Variants in TGS1 observed in about 807,000 individuals in gnomAD.
TGS1 encodes the protein trimethylguanosine synthase.
TGS1 carries 69 observed loss-of-function variants against 92.2 expected under a neutral mutation model. The observed-to-expected ratio is 0.75, with a 90% CI of 0.62 to 0.91. The LOEUF is 0.91. Among genes scored for constraint, TGS1 ranks in the 40% least tolerant of loss-of-function variants. TGS1 has a pLI of 0.00. For missense variants in TGS1, 1,062 were observed against 1,001.2 expected, an observed-to-expected ratio of 1.06 and a Z score of -0.82; for synonymous variants, 345 against 338.1, an observed-to-expected ratio of 1.02 and a Z score of -0.22.
chr8:55,780,362 G>A (rs1371656026), intron 1 of TGS1, among the ~76,000 whole-genome samples: 3 of 151,774 alleles, frequency 2.0e-5, no homozygotes, highest in African/African-American at 7.3e-5. Context: ...CTAGAGGTGG[G>A]GTCTGACCTT....
At chr8:55,818,244 C>G (rs925652921) in intron 12 of TGS1, among the ~76,000 whole-genome samples, 2 of 152,120 alleles carry the variant, frequency 1.3e-5, no homozygotes, top group African/African-American at 4.8e-5. Flanking sequence ...GTGGTGTGAT[C>G]ACTGCTCTCT....
chr8:55,794,875 A>G (rs1472456620), intron 6 of TGS1, among the ~76,000 whole-genome samples: 1 of 152,194 alleles, frequency 6.6e-6, no homozygotes, highest in Non-Finnish European at 1.5e-5. Context: ...CTGTTTCATA[A>G]GTTGTGAAAT....
intron 1 of TGS1, among the ~76,000 whole-genome samples, chr8:55,776,496 G>A (rs982224834): frequency 1.3e-5 from 2 of 152,050 alleles, no homozygotes; most frequent in African/African-American, 4.8e-5. Flanking sequence ...TAGCCAGGAT[G>A]GTCTCTGTCT....
intron 8 of TGS1, among the ~76,000 whole-genome samples, chr8:55,801,565 C>T (rs193245534): frequency 3.1e-4 from 44 of 140,154 alleles, no homozygotes; most frequent in Non-Finnish European, 5.6e-4. Context: ...TGAACCACTG[C>T]GCCCAGCCCC....
At chr8:55,776,576 G>A (rs560082525) in intron 1 of TGS1, among the ~76,000 whole-genome samples, 97 of 152,250 alleles carry the variant, frequency 6.4e-4, no homozygotes, top group Middle Eastern at 3.4e-3. Context: ...ACTGTGCCCG[G>A]CCCAGTGCCT....
intron 7 of TGS1, among the ~76,000 whole-genome samples, chr8:55,797,157 G>A (rs1428889335): frequency 6.6e-6 from 1 of 152,172 alleles, no homozygotes; most frequent in African/African-American, 2.4e-5. Context: ...TCACAGTTCT[G>A]CAGGGCTGGG....
chr8:55,798,553 A>T (rs1812123803), intron 7 of TGS1, among the ~76,000 whole-genome samples: 2 of 152,232 alleles, frequency 1.3e-5, no homozygotes, highest in Admixed American at 1.3e-4. Flanking sequence ...AAAATTAATG[A>T]TTCAGTAGTA....
chr8:55,821,019 A>G (rs1326920557), intron 12 of TGS1, among the ~76,000 whole-genome samples: 2 of 152,260 alleles, frequency 1.3e-5, no homozygotes, highest in East Asian at 1.9e-4. Context: ...TACTAAATTT[A>G]TAAGTCTTTC....
chr8:55,823,592 C>A (rs1386265747), intron 12 of TGS1, among the ~76,000 whole-genome samples: 1 of 152,166 alleles, frequency 6.6e-6, no homozygotes, highest in Non-Finnish European at 1.5e-5. Flanking sequence ...GGAAAAGTCA[C>A]TAGAGGCTAG....
At chr8:55,802,337 G>A (rs572487762) in intron 8 of TGS1, 120 bp from the exon 9 acceptor site, 67 of 745,974 alleles carry the variant, frequency 9.0e-5, no homozygotes, top group East Asian at 5.7e-4. Context: ...TTCTCTGGGC[G>A]TGTCATTATA....
chr8:55,783,582 A>T (rs958932675), intron 2 of TGS1, among the ~76,000 whole-genome samples: 3 of 152,216 alleles, frequency 2.0e-5, no homozygotes, highest in African/African-American at 7.2e-5. Flanking sequence ...AACTTTCCCA[A>T]GTAACAAATA....
At chr8:55,802,224 G>A (rs1364448486) in intron 8 of TGS1, among the ~76,000 whole-genome samples, 1 of 152,064 alleles carries the variant, frequency 6.6e-6, no homozygotes, top group East Asian at 1.9e-4. Flanking sequence ...TGAATGAATG[G>A]AGCTTAAAGA....
chr8:55,804,975 A>G lies in TGS1; in HGVS notation c.2082A>G (p.Val694=), dbSNP rs1585781157. 6 of 1,614,100 alleles carry G rather than the reference A, an allele frequency of 3.7e-6. No individual in the cohort carries two copies. In the East Asian group the frequency reaches 1.3e-4, roughly 36 times the overall value. Residue 694 remains valine (V), a synonymous_variant, in exon 10 of 13, where the codon GTA becomes GTG. Coordinates refer to ENST00000260129, the MANE Select transcript of TGS1 (RefSeq NM_024831.8). ...GTCAGTCCTTCAAGTGTGACGTTGT[A>G]GTAGACGCATTCTGTGGAGTTGGAG... The part of the protein sequence containing the change: ...RVSQSFKCDV[V]VDAFCGVGGN...
intron 1 of TGS1, among the ~76,000 whole-genome samples, chr8:55,776,157 C>G (rs901919777): frequency 6.6e-6 from 1 of 152,044 alleles, no homozygotes; most frequent in African/African-American, 2.4e-5. Flanking sequence ...GGGCTCACAA[C>G]TCTAAGGGGG....
At chr8:55,815,261 G>A (rs531788364) in intron 12 of TGS1, among the ~76,000 whole-genome samples, 109 of 152,126 alleles carry the variant, frequency 7.2e-4, no homozygotes, top group Non-Finnish European at 1.2e-3. Flanking sequence ...TTTGCCTCTA[G>A]AGGGAGTAAT....
chr8:55,824,710 A>G lies in TGS1; in HGVS notation c.*7A>G. The stretch of plus-strand genomic sequence containing the variant: ...ACCAGCCTCTGAAACCTAACTATGC[A>G]GCAGTGCGAGGACAAAAGATCATGG... On this transcript the variant is annotated 3_prime_UTR_variant, in exon 13 of 13. Transcript: ENST00000260129. 6.2e-7 allele frequency: 1 copy of G among 1,614,134 alleles called. No homozygotes were observed.
chr8:55,825,790 A>G lies in TGS1; in HGVS notation c.*1087A>G, dbSNP rs1803779282. The stretch of plus-strand genomic sequence containing the variant: ...CAGTACAGTAGCAACTGAGCTGATC[A>G]ATAAAGGTGAAATTACTTTTTCATT... On this transcript the variant is annotated 3_prime_UTR_variant, in exon 13 of 13. Transcript: ENST00000260129. Among the ~76,000 whole-genome samples, 1 of 152,240 alleles carries G rather than the reference A, an allele frequency of 6.6e-6. No homozygotes were observed. Among genetic ancestry groups the G allele is most frequent in the Non-Finnish European group, 1.5e-5 (1 of 68,042 alleles).
At chr8:55,805,495 G>A (rs997821882) in intron 10 of TGS1, among the ~76,000 whole-genome samples, 12 of 152,172 alleles carry the variant, frequency 7.9e-5, no homozygotes, top group Non-Finnish European at 1.5e-4. Flanking sequence ...TTGAGTGGGC[G>A]TGGTGATTCA....
chr8:55,799,603 G>T (rs1344432619), intron 8 of TGS1, among the ~76,000 whole-genome samples: 1 of 152,054 alleles, frequency 6.6e-6, no homozygotes, highest in African/African-American at 2.4e-5. Context: ...TGTGAGACAG[G>T]GTCTCATTCT....
Sources: gnomAD v4.1 joint callset for allele counts (sites outside exome capture counted in the v4.1 genomes callset) on GRCh38, gnomAD v4.1.1 for gene constraint, MANE v1.5 for transcripts, NCBI Gene and HGNC (gene_info 2026-07-23, HGNC 2026-07-21) for gene names.